Variants in GABRR3 observed in about 807,000 individuals in gnomAD.
The protein encoded by GABRR3 is gamma-aminobutyric acid type A receptor subunit rho3, also known as gamma-aminobutyric acid receptor subunit rho-3.
In GABRR3, 29 loss-of-function variants were observed where a neutral mutation model predicts 43.2. The observed-to-expected ratio is 0.67, with a 90% CI of 0.50 to 0.92. The LOEUF is 0.92. Ranked by LOEUF, GABRR3 falls within the 40% of genes least tolerant of loss-of-function variation. The pLI, the probability that GABRR3 is intolerant of heterozygous loss-of-function variation, is 0.00. For synonymous variants in GABRR3, 206 were observed against 195.9 expected (o/e 1.05, Z -0.43); for missense variants, 576 against 572.3 (o/e 1.01, Z -0.07).
At chr3:98,002,675 A>G (rs558497628) in intron 7 of GABRR3, among the ~76,000 whole-genome samples, 203 of 152,306 alleles carry the variant, frequency 1.3e-3, no homozygotes, top group Non-Finnish European at 2.6e-3. Context: ...AAATAAGGCA[A>G]TACATGAGGA....
Position 97,988,264 on chromosome 3 carries a change from G to A in GABRR3, c.1105-1282C>T, listed in dbSNP as rs574198744. Among the ~76,000 whole-genome samples the A allele has an allele frequency of 2.6e-5, 4 of 152,148 alleles. No homozygotes were observed. The South Asian group carries it at 8.3e-4, about 32-fold the overall frequency. ...AGTATTTTATTTTATTTTTAGTAGA[G>A]ACGAGGTCCTGTTATGTTGCTGAAG... On this transcript the variant is annotated intron_variant, in intron 9 of 9. Coordinates refer to ENST00000621172, the Ensembl canonical transcript of GABRR3.
chr3:98,017,603 GC>G lies in GABRR3; in HGVS notation c.306+51del. 3 of 1,284,312 alleles carry G rather than the reference GC, an allele frequency of 2.3e-6. No individual in the cohort carries two copies. The South Asian group carries it at 3.8e-5, about 16-fold the overall frequency. 79.6% of individuals were successfully genotyped at this position (1,284,312 alleles called of 1,614,324 possible). On this transcript the variant is annotated intron_variant, in intron 4 of 9. Transcript: ENST00000621172. The stretch of plus-strand genomic sequence containing the variant: ...TTAAAACACTAGTGATTTTGACACT[GC>G]CGAGTTTCTGTCTTTTCAGAAAAAG...
intron 3 of GABRR3, among the ~76,000 whole-genome samples, chr3:98,022,623 T>TA (rs1706961525): frequency 6.6e-6 from 1 of 152,178 alleles, no homozygotes; most frequent in South Asian, 2.1e-4. Flanking sequence ...AAGAGAAGGT[T>TA]AAGGGGTGTC....
downstream of GABRR3, among the ~76,000 whole-genome samples, chr3:97,985,497 GAC>G (rs1191743704): frequency 2.6e-5 from 4 of 152,140 alleles, no homozygotes; most frequent in African/African-American, 9.7e-5. Flanking sequence ...ATTCACACCA[GAC>G]AGTGTACATA....
In GABRR3 at chr3:98,034,848, C is replaced by T; in HGVS notation, c.125+15G>A. 6.2e-7 allele frequency: 1 copy of T among 1,612,562 alleles called. No individual in the cohort carries two copies. The highest frequency in any genetic ancestry group is 8.5e-7 in the Non-Finnish European group (1 of 1,178,936). On this transcript the variant is annotated intron_variant, in intron 2 of 9. Coordinates refer to ENST00000621172, the Ensembl canonical transcript of GABRR3. The stretch of plus-strand genomic sequence containing the variant: ...CTGGGCAGTAATTCCATGGACTGCA[C>T]TATGAGCATCTTACCAGGTTTGTTT...
intron 9 of GABRR3, among the ~76,000 whole-genome samples, chr3:97,991,738 C>A (rs1024923067): frequency 6.6e-6 from 1 of 152,142 alleles, no homozygotes; most frequent in South Asian, 2.1e-4. Context: ...TGGGGGCTGA[C>A]AGGAAGGTTC....
intron 2 of GABRR3, among the ~76,000 whole-genome samples, chr3:98,030,239 T>G (rs1707071870): frequency 1.3e-5 from 2 of 151,940 alleles, no homozygotes; most frequent in East Asian, 3.9e-4. Flanking sequence ...TTTACTCAAT[T>G]ATACAATTCC....
At chr3:98,029,231 G>A (rs1707057461) in intron 2 of GABRR3, among the ~76,000 whole-genome samples, 1 of 152,140 alleles carries the variant, frequency 6.6e-6, no homozygotes, top group Admixed American at 6.5e-5. Context: ...GTAGGCGTGA[G>A]TCTTGGTAAT....
intron 8 of GABRR3, among the ~76,000 whole-genome samples, chr3:97,995,354 A>G (rs901871387): frequency 5.9e-5 from 9 of 152,096 alleles, no homozygotes; most frequent in African/African-American, 2.2e-4. Context: ...ATTGTGCAGT[A>G]ATATGGAGCT....
At chr3:98,016,243 T>A (rs1706871975) in intron 4 of GABRR3, among the ~76,000 whole-genome samples, 1 of 152,150 alleles carries the variant, frequency 6.6e-6, no homozygotes, top group Admixed American at 6.5e-5. Context: ...TGACGGCAGA[T>A]CCTTCAGGAA....
intron 8 of GABRR3, among the ~76,000 whole-genome samples, chr3:97,994,987 T>A (rs557302033): frequency 6.6e-6 from 1 of 152,344 alleles, no homozygotes; most frequent in African/African-American, 2.4e-5. Context: ...TTTGAATTTT[T>A]TTTTTTTTGA....
At chr3:97,989,409 T>A (rs1183924936) in intron 9 of GABRR3, among the ~76,000 whole-genome samples, 1 of 135,342 alleles carries the variant, frequency 7.4e-6, no homozygotes, top group East Asian at 2.3e-4. Context: ...TAGTGGGTGG[T>A]AAGTGATGGG....
intron 8 of GABRR3, chr3:98,001,047 C>A (rs950468781): frequency 6.5e-6 from 1 of 153,046 alleles, no homozygotes; most frequent in Non-Finnish European, 1.5e-5. Context: ...CTCCTGCCAA[C>A]TAATATGCCA....
exon 5 of GABRR3, chr3:98,012,346 G>A: frequency 6.2e-7 from 1 of 1,612,820 alleles, no homozygotes; most frequent in Non-Finnish European, 8.5e-7. Flanking sequence ...TTCCTTACCT[G>A]AGACTTAGGA....
chr3:98,004,067 G>C (rs1706691287), intron 7 of GABRR3, among the ~76,000 whole-genome samples: 1 of 152,074 alleles, frequency 6.6e-6, no homozygotes. Flanking sequence ...TGGCACCCAG[G>C]GAAATGGAGG....
At chr3:97,995,471 G>A (rs919671414) in intron 8 of GABRR3, among the ~76,000 whole-genome samples, 22 of 151,952 alleles carry the variant, frequency 1.4e-4, no homozygotes, top group African/African-American at 5.3e-4. Context: ...AAGGAATTGC[G>A]CTATCTATAT....
chr3:98,012,290 G>A, intron 5 of GABRR3, 54 bp downstream of exon 5: 1 of 1,271,766 alleles, frequency 7.9e-7, no homozygotes, highest in Non-Finnish European at 1.1e-6. Context: ...CATCAGCTTT[G>A]GTGCAGATGG....
At chr3:98,005,398 A>G (rs1437317457) in intron 7 of GABRR3, among the ~76,000 whole-genome samples, 2 of 152,210 alleles carry the variant, frequency 1.3e-5, no homozygotes, top group African/African-American at 4.8e-5. Context: ...CTCATGTTAC[A>G]CAAAGCATGT....
chr3:98,025,416 G>C, intron 3 of GABRR3, 151 bp downstream of exon 3: 1 of 547,978 alleles, frequency 1.8e-6, no homozygotes, highest in South Asian at 2.9e-5. Flanking sequence ...CTCATCAATT[G>C]TTCTCATTAA....
Sources: allele counts gnomAD v4.1 joint callset (sites outside exome capture counted in the v4.1 genomes callset), GRCh38; gene constraint gnomAD v4.1.1; transcripts MANE v1.5; gene names NCBI Gene and HGNC (gene_info 2026-07-23, HGNC 2026-07-21).